The following FAM135B variants were observed in gnomAD, a reference collection of about 807,000 sequenced individuals.
The protein encoded by FAM135B is family with sequence similarity 135 member B.
Under a neutral mutation model 127.7 loss-of-function variants are expected in FAM135B, and 43 were observed. The observed-to-expected ratio is 0.34, with a 90% CI of 0.26 to 0.43. The LOEUF (loss-of-function observed/expected upper bound fraction) is 0.43, where lower values mean the gene tolerates loss of function less well. Among genes scored for constraint, FAM135B ranks in the 20% least tolerant of loss-of-function variants. The pLI is 1.00. For missense variants in FAM135B, 1,558 were observed against 1,725.6 expected (o/e 0.90, Z 1.72); for synonymous variants, 670 against 665.1 (o/e 1.01, Z -0.11).
intron 3 of FAM135B, among the ~76,000 whole-genome samples, chr8:138,283,547 C>T (rs1824439457): frequency 6.6e-6 from 1 of 152,112 alleles, no homozygotes; most frequent in South Asian, 2.1e-4. Flanking sequence ...TGTGTCATTA[C>T]ATATTTGTGC....
At chr8:138,437,273 G>A (rs1250947664) in intron 1 of FAM135B, 5 of 152,170 alleles carry the variant, frequency 3.3e-5, no homozygotes, top group Non-Finnish European at 5.9e-5. Flanking sequence ...ATATAGTTAG[G>A]CTTTGTGTCC....
rs562306938 is a variant in FAM135B at position 138,462,623 on chromosome 8, A to C, written c.-20+34048T>G. Among the ~76,000 whole-genome samples the C allele has an allele frequency of 2.0e-5, 3 of 152,306 alleles. No homozygotes were observed. In the South Asian group the frequency reaches 6.2e-4, roughly 32 times the overall value. ...GGCTCAGGACCCCAACTCATGATTTAACCCGAGTAGCTCTTCTCTGTGTCC... is the reference window on the plus strand; with the variant it reads ...GGCTCAGGACCCCAACTCATGATTTCACCCGAGTAGCTCTTCTCTGTGTCC... On this transcript the variant is annotated intron_variant, in intron 1 of 19. Transcript: ENST00000395297.
chr8:138,395,743 C>T (rs1427816438), intron 1 of FAM135B, among the ~76,000 whole-genome samples: 1 of 152,194 alleles, frequency 6.6e-6, no homozygotes, highest in African/African-American at 2.4e-5. Context: ...ATTCTAGACT[C>T]TTAAAGACCT....
chr8:138,497,519 G>A (rs773007038), upstream of FAM135B, among the ~76,000 whole-genome samples: 3 of 152,198 alleles, frequency 2.0e-5, no homozygotes, highest in Non-Finnish European at 2.9e-5. Context: ...ATATCCGGGG[G>A]CGGGGCGCGG....
intron 7 of FAM135B, among the ~76,000 whole-genome samples, chr8:138,213,371 C>T (rs568188797): frequency 5.9e-5 from 9 of 152,100 alleles, no homozygotes; most frequent in Non-Finnish European, 1.3e-4. Flanking sequence ...CTATTAATAT[C>T]GTTATAATGC....
At position 138,265,740 on chromosome 8, in the gene FAM135B, A is replaced by C. The variant is rs1328092087; in HGVS notation, c.260T>G (p.Val87Gly). Residue 87 changes from valine to glycine, a missense_variant, in exon 4 of 20, where the codon GTG becomes GGG. By Grantham distance (109) the Val-to-Gly change is moderately radical. This residue lies in a region of FAM135B where 199 missense variants were observed against 245.7 expected (regional missense o/e 0.81). Coordinates refer to ENST00000395297, the MANE Select transcript of FAM135B (RefSeq NM_015912.4). ...CAAGAGTAAATGAACTCGGAAGACC[A>C]CAGCATCATTTATGGGTACCTCTTC... ...RNEEVPINDA[V>G]VFRVHLLLGG... The C allele has an allele frequency of 1.2e-6, 2 of 1,614,122 alleles. No homozygotes were observed. Among genetic ancestry groups the C allele is most frequent in the African/African-American group, 1.3e-5 (1 of 75,030 alleles).
intron 14 of FAM135B, among the ~76,000 whole-genome samples, chr8:138,148,070 A>G (rs574008751): frequency 3.9e-5 from 6 of 152,196 alleles, no homozygotes; most frequent in Admixed American, 6.5e-5. Flanking sequence ...ATTCTTCTCC[A>G]TTTCTTCCTT....
At chr8:138,424,153 A>G (rs1205716376) in intron 1 of FAM135B, among the ~76,000 whole-genome samples, 1 of 152,148 alleles carries the variant, frequency 6.6e-6, no homozygotes, top group East Asian at 1.9e-4. Context: ...GGCGACATAC[A>G]TCCTCCTCAG....
intron 1 of FAM135B, among the ~76,000 whole-genome samples, chr8:138,476,275 A>G (rs997191083): frequency 6.6e-6 from 1 of 152,320 alleles, no homozygotes; most frequent in South Asian, 2.1e-4. Context: ...GCATGATACT[A>G]CAATTGTGGA....
At chr8:138,444,126 T>C (rs550933584) in intron 1 of FAM135B, among the ~76,000 whole-genome samples, 57 of 152,212 alleles carry the variant, frequency 3.7e-4, no homozygotes, top group Non-Finnish European at 7.1e-4. Context: ...ATGCACCCAA[T>C]ACAGGAGCAC....
chr8:138,177,308 T>C (rs2130963987), intron 11 of FAM135B, 39 bp downstream of exon 11: 1 of 1,594,888 alleles, frequency 6.3e-7, no homozygotes, highest in Non-Finnish European at 8.6e-7. Context: ...CTTGGGTGGC[T>C]GCTTTTAGGG....
At chr8:138,281,167 G>A (rs779821450) in intron 3 of FAM135B, among the ~76,000 whole-genome samples, 6 of 152,054 alleles carry the variant, frequency 3.9e-5, no homozygotes, top group Admixed American at 2.0e-4. Context: ...TATAGTCCCT[G>A]GAGATCCTCC....
chr8:138,366,264 T>C (rs1830725357), intron 2 of FAM135B, among the ~76,000 whole-genome samples: 1 of 152,190 alleles, frequency 6.6e-6, no homozygotes, highest in Non-Finnish European at 1.5e-5. Flanking sequence ...AAGAAAAATG[T>C]CTAATACCAT....
intron 1 of FAM135B, among the ~76,000 whole-genome samples, chr8:138,420,991 C>T (rs1834468435): frequency 6.6e-6 from 1 of 152,084 alleles, no homozygotes; most frequent in Non-Finnish European, 1.5e-5. Flanking sequence ...AAGTACTAGC[C>T]AGAGCAATAA....
At chr8:138,252,688 T>C (rs1821782904) in intron 5 of FAM135B, among the ~76,000 whole-genome samples, 1 of 152,096 alleles carries the variant, frequency 6.6e-6, no homozygotes, top group South Asian at 2.1e-4. Context: ...TAGGAGAGTG[T>C]CTGAGTTCTT....
At chr8:138,354,113 C>A (rs1250413819) in intron 2 of FAM135B, among the ~76,000 whole-genome samples, 66 of 152,036 alleles carry the variant, frequency 4.3e-4, no homozygotes, top group Admixed American at 4.3e-3. Flanking sequence ...TTAATAATTT[C>A]TCCCCACGCC....
chr8:138,463,993 A>G (rs1837262044), intron 1 of FAM135B, among the ~76,000 whole-genome samples: 1 of 152,208 alleles, frequency 6.6e-6, no homozygotes, highest in Non-Finnish European at 1.5e-5. Flanking sequence ...ACTGCATGAG[A>G]TTATCAGTAC....
intron 3 of FAM135B, among the ~76,000 whole-genome samples, chr8:138,271,732 T>C (rs755929946): frequency 6.6e-5 from 10 of 152,202 alleles, no homozygotes; most frequent in Non-Finnish European, 1.5e-4. Flanking sequence ...AGTTTGATCA[T>C]AGATGTTATT....
chr8:138,422,730 G>A (rs941610899), intron 1 of FAM135B, among the ~76,000 whole-genome samples: 2 of 151,984 alleles, frequency 1.3e-5, no homozygotes, highest in African/African-American at 4.8e-5. Context: ...AAAACAAAAA[G>A]CTATCATTCA....
Sources: allele counts gnomAD v4.1 joint callset (sites outside exome capture counted in the v4.1 genomes callset), GRCh38; gene constraint gnomAD v4.1.1; regional missense constraint gnomAD v4.1.1; transcripts MANE v1.5; gene names NCBI Gene and HGNC (gene_info 2026-07-23, HGNC 2026-07-21).